Variants in C3 observed in about 807,000 individuals in gnomAD.
The protein encoded by C3 is complement C3, also known as C3 and PZP-like alpha-2-macroglobulin domain-containing protein 1.
Under a neutral mutation model 207.9 loss-of-function variants are expected in C3, and 97 were observed. The observed-to-expected ratio is 0.47, with a 90% CI of 0.40 to 0.55. The LOEUF (loss-of-function observed/expected upper bound fraction) is 0.55, where lower values mean the gene tolerates loss of function less well. C3 is among the 20% of genes least tolerant of loss of function. The probability of loss-of-function intolerance (pLI) is 0.00; values close to 1 mark genes in which losing one functional copy is unlikely to be tolerated. For missense variants in C3, 1,684 were observed against 2,171.7 expected (o/e 0.78, Z 4.46); for synonymous variants, 848 against 857.6 (o/e 0.99, Z 0.20).
intron 9 of C3, 92 bp from the exon 10 acceptor site, chr19:6,712,715 T>G (rs985959195): frequency 3.6e-5 from 38 of 1,055,608 alleles, no homozygotes; most frequent in Non-Finnish European, 5.5e-5. Context: ...AGACTAGACC[T>G]CCTCCCTCAG....
rs1967612653 is a variant in C3, at chr19:6,700,146, AAAT to A, written c.2440+1978_2440+1980del. 2.8e-5 allele frequency among the ~76,000 whole-genome samples: 4 copies of A among 143,504 alleles called. No homozygotes were observed. In the South Asian group the frequency reaches 8.6e-4, roughly 31 times the overall value. 94.1% of individuals were successfully genotyped at this position (143,504 alleles called of 152,430 possible). On this transcript the variant is annotated intron_variant, in intron 19 of 40. Coordinates refer to ENST00000245907, the MANE Select transcript of C3 (RefSeq NM_000064.4). ...TAATTCATTAAATTATATTATAATT[AAAT>A]TTCTTATAAATTATAATACATATTA...
chr19:6,680,088 A>C (rs1917822096), intron 36 of C3, 70 bp downstream of exon 36: 12 of 863,180 alleles, frequency 1.4e-5, no homozygotes, highest in South Asian at 9.3e-5. Flanking sequence ...AGATCCCCAC[A>C]ATTCATATAT....
At chr19:6,689,360 CCTCTCTCTCT>C (rs1218148901) in intron 27 of C3, among the ~76,000 whole-genome samples, 1 of 16,544 alleles carries the variant, frequency 6.0e-5, no homozygotes, top group African/African-American at 2.7e-4. Flanking sequence ...TCCCTCCCTC[CCTCTCTCTCT>C]CTCTCTCTCT....
intron 30 of C3, 72 bp from the exon 31 acceptor site, chr19:6,684,906 C>A: frequency 6.2e-7 from 1 of 1,605,450 alleles, no homozygotes. Context: ...GTCACCTGGC[C>A]CTCCCTCTTG....
chr19:6,680,444 A>G (rs1917832004), intron 35 of C3, among the ~76,000 whole-genome samples, 181 bp from the exon 36 acceptor site: 1 of 152,246 alleles, frequency 6.6e-6, no homozygotes, highest in African/African-American at 2.4e-5. Context: ...TACCTTTCTC[A>G]GCTCCTCTTT....
intron 17 of C3, among the ~76,000 whole-genome samples, chr19:6,704,846 C>T (rs1374942833): frequency 6.6e-6 from 1 of 150,820 alleles, no homozygotes; most frequent in Admixed American, 6.6e-5. Flanking sequence ...TGCGGTGAGC[C>T]GAGGTTGTGC....
At chr19:6,705,368 G>A (rs1231911085) in intron 17 of C3, among the ~76,000 whole-genome samples, 1 of 147,008 alleles carries the variant, frequency 6.8e-6, no homozygotes, top group Non-Finnish European at 1.5e-5. Flanking sequence ...TTTGAGACAG[G>A]GTCTTGCTCT....
intron 24 of C3, 58 bp downstream of exon 24, chr19:6,694,373 G>T: frequency 1.3e-6 from 2 of 1,493,588 alleles, no homozygotes; most frequent in Non-Finnish European, 1.9e-6. Context: ...GGGATCTTAG[G>T]GGAGGGATGC....
At chr19:6,684,121 T>G in intron 33 of C3, 1 of 512,912 alleles carries the variant, frequency 1.9e-6, no homozygotes, top group Non-Finnish European at 3.5e-6. Context: ...AAAAGAAAAC[T>G]TTAAAGGTCA....
intron 17 of C3, chr19:6,702,992 C>G: frequency 3.9e-6 from 1 of 254,394 alleles, no homozygotes; most frequent in South Asian, 4.7e-5. Context: ...TGAGATCACA[C>G]GACTACACTC....
chr19:6,712,596 C>T lies in C3; in HGVS notation c.1031G>A (p.Ser344Asn). Residue 344 changes from serine (S) to asparagine (N), a missense_variant, in exon 10 of 41, where the codon AGC becomes AAC. Coordinates refer to ENST00000245907, the MANE Select transcript of C3 (RefSeq NM_000064.4). ...SGSDMVQAER[S>N]GIPIVTSPYQ... ...GGGAGAGGTCACGATGGGGATCCCGCTGCGCTCTGCCTGCACCATGTCACT... is the reference window on the plus strand; with the variant it reads ...GGGAGAGGTCACGATGGGGATCCCGTTGCGCTCTGCCTGCACCATGTCACT... 6.2e-7 allele frequency: 1 copy of T among 1,614,126 alleles called. No individual in the cohort carries two copies.
chr19:6,684,388 C>A lies in C3; in HGVS notation c.4172G>T (p.Arg1391Met). ...KNTMILEICTRYRGDQDATMS... is the reference protein window; with the variant it reads ...KNTMILEICTMYRGDQDATMS... Reference sequence around the variant, plus strand: ...GAACCCCGGTGACCTAGCTTCTTACCTGGTACAGATCTCAAGGATCATAGT... The same window carrying A: ...GAACCCCGGTGACCTAGCTTCTTACATGGTACAGATCTCAAGGATCATAGT... Residue 1391 changes from arginine to methionine, a missense_variant and splice_region_variant, in exon 33 of 41, where the codon AGG becomes ATG. Around this residue, in one of 3 missense-constraint regions of C3, gnomAD observed 346 missense variants for 380.1 expected, o/e 0.91. Transcript: ENST00000245907. 6.2e-7 allele frequency: 1 copy of A among 1,613,558 alleles called. No individual in the cohort carries two copies. Among genetic ancestry groups the A allele is most frequent in the Non-Finnish European group, 8.5e-7 (1 of 1,179,440 alleles).
chr19:6,703,378 C>T (rs1012002343), intron 17 of C3, among the ~76,000 whole-genome samples: 1 of 151,952 alleles, frequency 6.6e-6, no homozygotes, highest in African/African-American at 2.4e-5. Context: ...GAGGCCGAGG[C>T]GGGTGGATCA....
At chr19:6,718,535 G>C (rs1434224285) in intron 2 of C3, 123 bp from the exon 3 acceptor site, 2 of 1,130,574 alleles carry the variant, frequency 1.8e-6, no homozygotes, top group African/African-American at 3.1e-5. Flanking sequence ...CGAGGTGGCC[G>C]TTTTGGGGAG....
chr19:6,686,043 C>A, intron 29 of C3, 81 bp downstream of exon 29: 1 of 1,401,700 alleles, frequency 7.1e-7, no homozygotes, highest in Non-Finnish European at 1.0e-6. Context: ...CCTCGCTGGG[C>A]CTCAGTGTCT....
At chr19:6,712,779 C>T (rs566186771) in intron 9 of C3, among the ~76,000 whole-genome samples, 156 bp from the exon 10 acceptor site, 3 of 152,192 alleles carry the variant, frequency 2.0e-5, no homozygotes, top group East Asian at 1.9e-4. Context: ...TGGACTCCAC[C>T]TTTATACTGG....
Position 6,697,425 on chromosome 19 carries a change from G to A in C3, c.2715C>T (p.Thr905=), listed in dbSNP as rs2230208. 8.9e-3 allele frequency: 14,314 copies of A among 1,613,896 alleles called. 992 individuals are homozygous for A. The African/African-American group carries it at 0.16, about 18-fold the overall frequency. ...CCTTGACTTCCACTTCCTGCAGGCC[G>A]GTCTTTAGCGGCACGATGACATATG... ...SVPYVIVPLK[T]GLQEVEVKAA... Residue 905 remains threonine (T), a synonymous_variant, in exon 21 of 41, where the codon ACC becomes ACT. Coordinates refer to ENST00000245907, the MANE Select transcript of C3 (RefSeq NM_000064.4).
At chr19:6,698,993 A>G (rs904375707) in intron 19 of C3, among the ~76,000 whole-genome samples, 2 of 151,704 alleles carry the variant, frequency 1.3e-5, no homozygotes, top group Non-Finnish European at 2.9e-5. Context: ...ACAGGGTTTC[A>G]CCATGTTGGC....
At chr19:6,693,155 C>T in intron 25 of C3, 72 bp from the exon 26 acceptor site, 2 of 1,553,210 alleles carry the variant, frequency 1.3e-6, no homozygotes, top group Non-Finnish European at 1.8e-6. Flanking sequence ...AGCCAATGAG[C>T]GTGGGGGAGG....
Sources: gnomAD v4.1 joint callset for allele counts (sites outside exome capture counted in the v4.1 genomes callset) on GRCh38, gnomAD v4.1.1 for gene constraint, gnomAD v4.1.1 regional missense constraint, MANE v1.5 for transcripts, NCBI Gene and HGNC (gene_info 2026-07-23, HGNC 2026-07-21) for gene names.